EML1: variants seen among roughly 807,000 people sequenced by gnomAD.
The protein encoded by EML1 is EMAP like 1, also known as echinoderm microtubule-associated protein-like 1.
EML1 carries 27 observed loss-of-function variants against 110.4 expected under a neutral mutation model. The ratio of observed to expected loss-of-function variants is 0.24; its 90% confidence interval spans 0.18 to 0.34. The LOEUF (loss-of-function observed/expected upper bound fraction) is 0.34, where lower values mean the gene tolerates loss of function less well. Among genes scored for constraint, EML1 ranks in the 10% least tolerant of loss-of-function variants. The probability of loss-of-function intolerance (pLI) is 1.00; values close to 1 mark genes in which losing one functional copy is unlikely to be tolerated. For synonymous variants in EML1, 344 were observed against 385.8 expected (o/e 0.89, Z 1.27); for missense variants, 741 against 1,030.9 (o/e 0.72, Z 3.85).
intron 9 of EML1, among the ~76,000 whole-genome samples, chr14:99,903,419 A>G (rs11160557): frequency 0.98 from 149,648 of 152,280 alleles, 73,534 homozygotes; most frequent in Middle Eastern, 1. Context: ...ATTATAAGCC[A>G]CCTTTTAAAT....
Position 99,911,482 on chromosome 14 carries a change from G to A in EML1, c.1400G>A (p.Cys467Tyr), listed in dbSNP as rs2059945635. Residue 467 changes from cysteine to tyrosine, a missense_variant, in exon 13 of 22, where the codon TGT (cysteine) becomes TAT (tyrosine). Coordinates refer to ENST00000262233, the MANE Select transcript of EML1 (RefSeq NM_004434.3). ...CATGAGGGTGGCATTTTTGCACTTT[G>A]TATGTTAAGAGATGGCACACTGGTG... The part of the protein sequence containing the change: ...GAHEGGIFAL[C>Y]MLRDGTLVSG... 6.2e-7 allele frequency: 1 copy of A among 1,612,746 alleles called. No homozygotes were observed.
intron 1 of EML1, among the ~76,000 whole-genome samples, chr14:99,836,139 A>G (rs571034459): frequency 6.6e-6 from 1 of 152,258 alleles, no homozygotes; most frequent in Non-Finnish European, 1.5e-5. Context: ...GCATCATAAC[A>G]GTAATGAGTT....
chr14:99,775,540 C>T (rs145643328), intron 1 of EML1, among the ~76,000 whole-genome samples: 44 of 152,286 alleles, frequency 2.9e-4, no homozygotes, highest in Middle Eastern at 3.4e-3. Context: ...CATGGATGGA[C>T]GTGACAGATC....
chr14:99,749,108 G>A (rs920683521), intron 1 of EML1, among the ~76,000 whole-genome samples: 10 of 152,180 alleles, frequency 6.6e-5, no homozygotes, highest in African/African-American at 2.2e-4. Flanking sequence ...GATGAGTAAC[G>A]CTGCTATGAA....
chr14:99,750,048 G>A (rs995849512), intron 1 of EML1, among the ~76,000 whole-genome samples: 3 of 152,218 alleles, frequency 2.0e-5, no homozygotes, highest in Non-Finnish European at 4.4e-5. Context: ...CCCTTATCAG[G>A]GAACTTCTGG....
chr14:99,793,422 T>G lies in EML1; in HGVS notation c.-55T>G. 2.0e-6 allele frequency: 2 copies of G among 1,023,408 alleles called. No homozygotes were observed. The highest frequency in any genetic ancestry group is 2.3e-6 in the Non-Finnish European group (2 of 855,856). The allele number at this position is 1,023,408 out of a possible 1,614,324, so 63.4% of individuals were successfully genotyped here. ...CGGTCGGGCTCAGCTCAGTGTGTGG[T>G]GAGCGGCGGCGGCGCGGCCGGGCCG... is the stretch of plus-strand genomic sequence containing the variant. On this transcript the variant is annotated 5_prime_UTR_variant, in exon 1 of 22. Coordinates refer to ENST00000262233, the MANE Select transcript of EML1 (RefSeq NM_004434.3).
intron 17 of EML1, among the ~76,000 whole-genome samples, chr14:99,933,328 A>T (rs1283606727): frequency 3.9e-5 from 6 of 152,090 alleles, no homozygotes; most frequent in Admixed American, 3.3e-4. Context: ...GGTGTGTGCC[A>T]CTGCCTCCAG....
chr14:99,777,594 A>AT (rs1382330158), intron 1 of EML1, among the ~76,000 whole-genome samples: 2 of 151,750 alleles, frequency 1.3e-5, no homozygotes, highest in African/African-American at 4.8e-5. Flanking sequence ...TGATTTTTGT[A>AT]TTTTTAGTAG....
At chr14:99,873,584 C>G (rs1415898237) in intron 3 of EML1, among the ~76,000 whole-genome samples, 1 of 152,196 alleles carries the variant, frequency 6.6e-6, no homozygotes, top group Non-Finnish European at 1.5e-5. Flanking sequence ...ACCTGCGGGA[C>G]CTGTCCCCTT....
chr14:99,834,178 T>C (rs1302472915), intron 1 of EML1, among the ~76,000 whole-genome samples: 1 of 152,236 alleles, frequency 6.6e-6, no homozygotes, highest in African/African-American at 2.4e-5. Context: ...TCATTTTTCT[T>C]TTTTAGTCTG....
intron 1 of EML1, among the ~76,000 whole-genome samples, chr14:99,755,859 C>T (rs1341592608): frequency 6.7e-6 from 1 of 150,226 alleles, no homozygotes. Flanking sequence ...GGGGCAGGAG[C>T]CTGGCCCTGG....
chr14:99,849,340 C>T (rs1298413737), intron 1 of EML1, among the ~76,000 whole-genome samples: 1 of 152,154 alleles, frequency 6.6e-6, no homozygotes, highest in East Asian at 1.9e-4. Flanking sequence ...GTTAATCAGA[C>T]TGCAGGTCTT....
intron 1 of EML1, among the ~76,000 whole-genome samples, chr14:99,803,821 T>C (rs886968218): frequency 2.6e-5 from 4 of 152,314 alleles, no homozygotes; most frequent in Admixed American, 2.6e-4. Context: ...TGAGAAACGA[T>C]TGAATGGAAT....
upstream of EML1, among the ~76,000 whole-genome samples, chr14:99,771,459 C>T (rs1349175678): frequency 6.6e-6 from 1 of 152,188 alleles, no homozygotes; most frequent in African/African-American, 2.4e-5. Flanking sequence ...ACCACATTTG[C>T]CTAATCATTC....
At chr14:99,811,640 CA>C (rs71113224) in intron 1 of EML1, among the ~76,000 whole-genome samples, 11,101 of 119,850 alleles carry the variant, frequency 0.093, 1,580 homozygotes, top group African/African-American at 0.33. Flanking sequence ...CTGTCTCTAC[CA>C]AAAAAAAAAA....
chr14:99,852,476 G>A (rs894752238), intron 2 of EML1, among the ~76,000 whole-genome samples: 1 of 152,172 alleles, frequency 6.6e-6, no homozygotes, highest in East Asian at 1.9e-4. Context: ...TTAGCTGGAT[G>A]TGGTAGCAAG....
chr14:99,795,209 A>G (rs1347057903), intron 1 of EML1, among the ~76,000 whole-genome samples: 1 of 152,176 alleles, frequency 6.6e-6, no homozygotes, highest in Non-Finnish European at 1.5e-5. Context: ...ATAGCAGTTT[A>G]GTCATGAAGT....
chr14:99,844,180 T>C (rs546820323), intron 1 of EML1, among the ~76,000 whole-genome samples: 5 of 152,250 alleles, frequency 3.3e-5, no homozygotes, highest in Non-Finnish European at 5.9e-5. Context: ...CAAAAATAAC[T>C]TGTAAATTTG....
At chr14:99,796,108 G>T (rs2057765568) in intron 1 of EML1, among the ~76,000 whole-genome samples, 1 of 151,414 alleles carries the variant, frequency 6.6e-6, no homozygotes, top group South Asian at 2.1e-4. Context: ...GATTGATTGA[G>T]CCCAGAAGTT....
Sources: gnomAD v4.1 joint callset for allele counts (sites outside exome capture counted in the v4.1 genomes callset) on GRCh38, gnomAD v4.1.1 for gene constraint, MANE v1.5 for transcripts, NCBI Gene and HGNC (gene_info 2026-07-23, HGNC 2026-07-21) for gene names.